Variants in DAB2 observed in about 807,000 individuals in gnomAD.
DAB2 encodes DAB adaptor protein 2.
A neutral mutation model predicts 71.6 loss-of-function variants in DAB2; 28 were observed. The observed-to-expected ratio is 0.39, with a 90% CI of 0.29 to 0.54. The LOEUF (loss-of-function observed/expected upper bound fraction) is 0.54. Ranked by LOEUF, DAB2 falls within the 20% of genes least tolerant of loss-of-function variation. The pLI is 0.68. For missense variants in DAB2, 867 were observed against 928.8 expected (o/e 0.93, Z 0.86); for synonymous variants, 345 against 339.7 (o/e 1.02, Z -0.17).
At chr5:39,385,165 A>T (rs990218243) in intron 9 of DAB2, 2 of 152,188 alleles carry the variant, frequency 1.3e-5, no homozygotes, top group Non-Finnish European at 2.9e-5. Flanking sequence ...TTGTCACAAG[A>T]AAGAGCTTAT....
chr5:39,386,213 A>G lies in DAB2; in HGVS notation c.687+2092T>C, dbSNP rs116085489. ...AGGATAATGCTCAAGGGGCTTGCCA[A>G]TAAAAATTCTGTTCTAGGGGATACC... On this transcript the variant is annotated intron_variant, in intron 9 of 14. Transcript: ENST00000320816. Among the ~76,000 whole-genome samples, 695 of 152,320 alleles carry G rather than the reference A, an allele frequency of 4.6e-3. 5 individuals are homozygous for G. Among genetic ancestry groups the G allele is most frequent in the African/African-American group, 0.016 (646 of 41,560 alleles).
intron 1 of DAB2, among the ~76,000 whole-genome samples, chr5:39,404,549 A>G (rs1447368208): frequency 6.7e-6 from 1 of 150,166 alleles, no homozygotes; most frequent in Non-Finnish European, 1.5e-5. Context: ...GCATCCAAAT[A>G]AGGGCACATT....
At chr5:39,410,917 C>A (rs1755712767) in intron 1 of DAB2, among the ~76,000 whole-genome samples, 1 of 152,202 alleles carries the variant, frequency 6.6e-6, no homozygotes, top group South Asian at 2.1e-4. Flanking sequence ...ACCTGCCTAG[C>A]CCTCAGTGTC....
At chr5:39,376,171 G>C in intron 12 of DAB2, 65 bp from the exon 13 acceptor site, 27 of 1,274,334 alleles carry the variant, frequency 2.1e-5, no homozygotes, top group Non-Finnish European at 3.0e-5. Flanking sequence ...CAGTCCCCGA[G>C]TCAGCTTATT....
rs1424972229 is a variant in DAB2, at chr5:39,391,983, T to A, written c.330+382A>T. 2.5e-4 allele frequency among the ~76,000 whole-genome samples: 35 copies of A among 138,444 alleles called. No homozygotes were observed. In the East Asian group the frequency reaches 2.9e-3, roughly 11 times the overall value. The allele number at this position is 138,444 out of a possible 152,430, so 90.8% of individuals were successfully genotyped here. On this transcript the variant is annotated intron_variant, in intron 4 of 14. Transcript: ENST00000320816. The stretch of plus-strand genomic sequence containing the variant: ...CCGAGGTCAAAAAAAAAAAAAAAAA[T>A]ATATATATATAGAAGTTTTACTTTA...
rs766725839 is a variant in DAB2, at chr5:39,381,565, C to T, written c.1393G>A (p.Glu465Lys). Residue 465 changes from glutamate to lysine, a missense_variant, in exon 11 of 15, where the codon GAA becomes AAA. This residue lies in a region of DAB2 where 740 missense variants were observed against 734.3 expected (regional missense o/e 1.01). Transcript: ENST00000320816. ...ASDIFAPPVS[E>K]PSGQASPTGQ... ...GTGGGTGACGCCTGGCCTGAAGGTT[C>T]TGAGACGGGAGGAGCAAAGATGTCT... 1 of 1,614,048 alleles carries T rather than the reference C, an allele frequency of 6.2e-7. No individual in the cohort carries two copies. The highest frequency in any genetic ancestry group is 8.5e-7 in the Non-Finnish European group (1 of 1,179,976).
chr5:39,392,574 T>C, intron 3 of DAB2, 111 bp from the exon 4 acceptor site: 1 of 748,060 alleles, frequency 1.3e-6, no homozygotes, highest in Non-Finnish European at 2.3e-6. Flanking sequence ...TGATCTGCCA[T>C]CGATGAGAGG....
At chr5:39,382,543 A>T (rs1229896083) in intron 10 of DAB2, 75 bp downstream of exon 10, 2 of 1,433,474 alleles carry the variant, frequency 1.4e-6, no homozygotes, top group East Asian at 4.6e-5. Context: ...GCAGCAGGAA[A>T]GAGAGCTTGC....
Position 39,424,908 on chromosome 5 carries a change from C to A in DAB2, c.-206G>T, listed in dbSNP as rs975274487. The A allele has an allele frequency of 5.9e-5, 9 of 152,588 alleles. No individual in the cohort carries two copies. The highest frequency in any genetic ancestry group is 2.2e-4 in the African/African-American group (9 of 41,516). 9.5% of individuals were successfully genotyped at this position (152,588 alleles called of 1,614,324 possible). A position where few individuals can be genotyped will look rare whatever the true frequency, so the allele number is the denominator to read the frequency against. On this transcript the variant is annotated 5_prime_UTR_variant, in exon 1 of 15. Coordinates refer to ENST00000320816, the MANE Select transcript of DAB2 (RefSeq NM_001343.4). ...GGGCCTCGCTTAAATAGCCGCCGGCCGGGAGCTTCGGAGCCGCGCGGCCAC... is the reference window on the plus strand; with the variant it reads ...GGGCCTCGCTTAAATAGCCGCCGGCAGGGAGCTTCGGAGCCGCGCGGCCAC...
Position 39,388,837 on chromosome 5 carries a change from G to C in DAB2, c.586C>G (p.Leu196Val). The change falls in exon 8 of 15, where the codon CTA becomes GTA. Residue 196 changes from leucine to valine, a missense_variant. Leu to Val is a conservative substitution (Grantham distance 32). Transcript: ENST00000320816. Reference sequence around the variant, plus strand: ...TTAGTTTGGTCATCTAGAATCATTAGGGCCTCACTCCCATTCTGAAAAGAT... The same window carrying C: ...TTAGTTTGGTCATCTAGAATCATTACGGCCTCACTCCCATTCTGAAAAGAT... ...SKAVENGSEA[L>V]MILDDQTNKL... 1 of 1,613,074 alleles carries C rather than the reference G, an allele frequency of 6.2e-7. No homozygotes were observed. The highest frequency in any genetic ancestry group is 8.5e-7 in the Non-Finnish European group (1 of 1,179,178).
intron 10 of DAB2, among the ~76,000 whole-genome samples, chr5:39,382,405 C>T (rs752708140): frequency 3.3e-5 from 5 of 152,160 alleles, no homozygotes; most frequent in Admixed American, 1.3e-4. Context: ...GACATGCACA[C>T]GGAAAGCAGG....
At chr5:39,381,015 C>T (rs1387804235) in intron 11 of DAB2, among the ~76,000 whole-genome samples, 1 of 152,164 alleles carries the variant, frequency 6.6e-6, no homozygotes, top group Non-Finnish European at 1.5e-5. Context: ...TTACATCCTT[C>T]TTGGGCATAT....
At chr5:39,414,350 C>T (rs910460168) in intron 1 of DAB2, among the ~76,000 whole-genome samples, 4 of 152,122 alleles carry the variant, frequency 2.6e-5, no homozygotes, top group Non-Finnish European at 5.9e-5. Context: ...CCTTAATTAT[C>T]CAGTGCTAAG....
chr5:39,398,895 T>A (rs749451086), intron 1 of DAB2, among the ~76,000 whole-genome samples: 15 of 152,224 alleles, frequency 9.9e-5, no homozygotes, highest in Admixed American at 1.3e-4. Context: ...ATAATTGGTT[T>A]AAACTTAATA....
intron 11 of DAB2, 93 bp downstream of exon 11, chr5:39,381,361 A>G: frequency 1.5e-6 from 2 of 1,325,830 alleles, no homozygotes; most frequent in Non-Finnish European, 2.1e-6. Flanking sequence ...TATGCTGTAA[A>G]ACCCTCTGGG....
chr5:39,393,209 G>T, intron 3 of DAB2, 45 bp downstream of exon 3: 2 of 1,586,864 alleles, frequency 1.3e-6, no homozygotes, highest in Non-Finnish European at 1.7e-6. Context: ...TCCCTCTCTT[G>T]GACTTTTGCT....
At chr5:39,398,561 T>G (rs1042585500) in intron 1 of DAB2, among the ~76,000 whole-genome samples, 2 of 152,104 alleles carry the variant, frequency 1.3e-5, no homozygotes, top group African/African-American at 4.8e-5. Flanking sequence ...GTATGTTGAG[T>G]TGCAATAGCC....
chr5:39,419,298 C>G (rs1004387043), intron 1 of DAB2, among the ~76,000 whole-genome samples: 1 of 152,158 alleles, frequency 6.6e-6, no homozygotes, highest in Non-Finnish European at 1.5e-5. Flanking sequence ...GGGAGATTTT[C>G]CATTGCTAAC....
At chr5:39,397,439 G>A (rs754895880) in intron 1 of DAB2, among the ~76,000 whole-genome samples, 4 of 152,098 alleles carry the variant, frequency 2.6e-5, no homozygotes, top group Non-Finnish European at 5.9e-5. Flanking sequence ...GCTGCTTTCT[G>A]TAGTTTACTT....
Sources: gnomAD v4.1 joint callset for allele counts (sites outside exome capture counted in the v4.1 genomes callset) on GRCh38, gnomAD v4.1.1 for gene constraint, gnomAD v4.1.1 regional missense constraint, MANE v1.5 for transcripts, NCBI Gene and HGNC (gene_info 2026-07-23, HGNC 2026-07-21) for gene names.